The following CDH23 variants were observed in gnomAD, a reference collection of about 807,000 sequenced individuals.
The protein encoded by CDH23 is cadherin-23.
Under a neutral mutation model 317.1 loss-of-function variants are expected in CDH23, and 189 were observed. The ratio of observed to expected loss-of-function variants is 0.60; its 90% CI spans 0.53 to 0.67. The LOEUF (loss-of-function observed/expected upper bound fraction) is 0.67, where lower values mean the gene tolerates loss of function less well. CDH23 is among the 30% of genes least tolerant of loss of function. The probability of loss-of-function intolerance (pLI) is 0.00; values close to 1 mark genes in which losing one functional copy is unlikely to be tolerated. For synonymous variants in CDH23, 1,839 were observed against 1,876.8 expected (o/e 0.98, Z 0.52); for missense variants, 4,401 against 4,592.4 (o/e 0.96, Z 1.20).
intron 14 of CDH23, among the ~76,000 whole-genome samples, chr10:71,671,269 G>A (rs556160333): frequency 3.7e-4 from 57 of 152,194 alleles, no homozygotes; most frequent in African/African-American, 1.3e-3. Flanking sequence ...CTGGCCTTTG[G>A]TTTGGCATTT....
At chr10:71,557,312 G>C (rs759793739) in intron 6 of CDH23, among the ~76,000 whole-genome samples, 2 of 152,058 alleles carry the variant, frequency 1.3e-5, no homozygotes, top group East Asian at 3.8e-4. Context: ...CATATTCAAA[G>C]TATATTGAGT....
At chr10:71,483,217 C>T (rs959862628) in intron 3 of CDH23, among the ~76,000 whole-genome samples, 1 of 152,204 alleles carries the variant, frequency 6.6e-6, no homozygotes, top group Non-Finnish European at 1.5e-5. Context: ...CCCAGCATAA[C>T]TGTGCATTCA....
intron 36 of CDH23, 77 bp from the exon 37 acceptor site, chr10:71,740,745 C>T: frequency 6.3e-7 from 1 of 1,587,310 alleles, no homozygotes. Context: ...ACTGATTGCA[C>T]AGCCCTTTTG....
intron 60 of CDH23, among the ~76,000 whole-genome samples, chr10:71,808,391 CCTG>C (rs1841807628): frequency 1.3e-5 from 2 of 152,214 alleles, no homozygotes; most frequent in South Asian, 2.1e-4. Context: ...GTCCATCCAT[CCTG>C]CTTTCATTCA....
rs1841729967 is a variant in CDH23, at chr10:71,806,523, C to T, written c.8178+242C>T. Among the ~76,000 whole-genome samples the T allele has an allele frequency of 6.0e-5, 9 of 150,468 alleles. No homozygotes were observed. The South Asian group carries it at 1.9e-3, about 31-fold the overall frequency. Reference sequence around the variant, plus strand: ...ATGCCTGACTCATGGAGCTGATAGCCCTGTCTTTGCCTGCACACACACATA... The same window carrying T: ...ATGCCTGACTCATGGAGCTGATAGCTCTGTCTTTGCCTGCACACACACATA... On this transcript the variant is annotated intron_variant, in intron 57 of 69. Coordinates refer to ENST00000224721, the MANE Select transcript of CDH23 (RefSeq NM_022124.6).
intron 17 of CDH23, among the ~76,000 whole-genome samples, chr10:71,680,736 C>G (rs1864589405): frequency 1.0e-5 from 1 of 97,188 alleles, no homozygotes. Context: ...GACAGAGTGA[C>G]ACTCCGTCTC....
At chr10:71,425,498 G>A (rs1490244865) in intron 1 of CDH23, among the ~76,000 whole-genome samples, 2 of 152,140 alleles carry the variant, frequency 1.3e-5, no homozygotes, top group Non-Finnish European at 2.9e-5. Flanking sequence ...GCCTGAGAGA[G>A]GCCTTCACTT....
intron 48 of CDH23, chr10:71,795,866 C>G: frequency 3.0e-6 from 3 of 987,080 alleles, no homozygotes; most frequent in Non-Finnish European, 3.6e-6. Flanking sequence ...CTGTCACTTC[C>G]CACCTCATCT....
At chr10:71,483,395 G>A (rs1408837112) in intron 3 of CDH23, among the ~76,000 whole-genome samples, 1 of 152,220 alleles carries the variant, frequency 6.6e-6, no homozygotes, top group African/African-American at 2.4e-5. Context: ...TGCAGATGGT[G>A]TTGGACATTT....
At chr10:71,581,900 C>T (rs1014376411) in intron 9 of CDH23, among the ~76,000 whole-genome samples, 2 of 152,180 alleles carry the variant, frequency 1.3e-5, no homozygotes, top group East Asian at 1.9e-4. Flanking sequence ...CTGCACTCAC[C>T]CCCCCAACAG....
chr10:71,562,280 C>T (rs1201192732), intron 6 of CDH23, among the ~76,000 whole-genome samples: 1 of 152,220 alleles, frequency 6.6e-6, no homozygotes, highest in Non-Finnish European at 1.5e-5. Flanking sequence ...ATCAAGCCAT[C>T]CCTTGCCCGT....
At chr10:71,432,496 T>C (rs563639858) in intron 1 of CDH23, among the ~76,000 whole-genome samples, 8 of 149,576 alleles carry the variant, frequency 5.3e-5, no homozygotes, top group Admixed American at 2.7e-4. Context: ...AGTGTGTGTG[T>C]GCAGTGTGTG....
chr10:71,565,830 T>C (rs552029350), intron 6 of CDH23, among the ~76,000 whole-genome samples: 1 of 152,302 alleles, frequency 6.6e-6, no homozygotes, highest in Non-Finnish European at 1.5e-5. Context: ...AAGGCTGGGA[T>C]TCCAACAAAT....
intron 6 of CDH23, among the ~76,000 whole-genome samples, chr10:71,526,957 C>T (rs1041849672): frequency 2.0e-5 from 3 of 152,142 alleles, no homozygotes; most frequent in African/African-American, 7.2e-5. Flanking sequence ...TCTCGAGTGT[C>T]GGGCGCATGT....
Position 71,664,695 on chromosome 10 carries a change from C to CAA in CDH23, c.1450-10416_1450-10415insAA, listed in dbSNP as rs1229266982. Among the ~76,000 whole-genome samples, 5 of 152,244 alleles carry CAA rather than the reference C, an allele frequency of 3.3e-5. No homozygotes were observed. The East Asian group carries it at 9.6e-4, about 29-fold the overall frequency. On this transcript the variant is annotated intron_variant, in intron 14 of 69. Transcript: ENST00000224721. Reference sequence around the variant, plus strand: ...TGTGTGCATTACCTTCCTTAATCCTCACAATAATTCCCTGAGGTGGGTGCT... The same window carrying CAA: ...TGTGTGCATTACCTTCCTTAATCCTCAAACAATAATTCCCTGAGGTGGGTGCT...
intron 21 of CDH23, among the ~76,000 whole-genome samples, chr10:71,694,530 G>A (rs1381651073): frequency 6.6e-6 from 1 of 152,182 alleles, no homozygotes; most frequent in African/African-American, 2.4e-5. Context: ...CAGGAGGGCA[G>A]GTGGCAGAAG....
chr10:71,629,606 C>A (rs576958774), intron 11 of CDH23, among the ~76,000 whole-genome samples: 1 of 152,332 alleles, frequency 6.6e-6, no homozygotes, highest in East Asian at 1.9e-4. Flanking sequence ...TTCTGTACAT[C>A]CGCTGCCGAA....
At chr10:71,472,311 C>T (rs1851557464) in intron 3 of CDH23, among the ~76,000 whole-genome samples, 1 of 152,188 alleles carries the variant, frequency 6.6e-6, no homozygotes, top group Non-Finnish European at 1.5e-5. Flanking sequence ...CTCCTGTTAA[C>T]ACCACCTCCT....
At chr10:71,532,711 G>GTTTTTTTTTGT (rs1855452212) in intron 6 of CDH23, among the ~76,000 whole-genome samples, 23 of 128,086 alleles carry the variant, frequency 1.8e-4, no homozygotes, top group Non-Finnish European at 2.6e-4. Context: ...TTTTGTTTTT[G>GTTTTTTTTTGT]TTTTTTTTTT....
Sources: gnomAD v4.1 joint callset for allele counts (sites outside exome capture counted in the v4.1 genomes callset) on GRCh38, gnomAD v4.1.1 for gene constraint, MANE v1.5 for transcripts, NCBI Gene and HGNC (gene_info 2026-07-23, HGNC 2026-07-21) for gene names.